Variants in RAPGEF3 observed in about 807,000 individuals in gnomAD.
The protein encoded by RAPGEF3 is 9330170P05Rik.
In RAPGEF3, 103 loss-of-function variants were observed where a neutral mutation model predicts 129.8. The ratio of observed to expected loss-of-function variants is 0.79; its 90% CI spans 0.68 to 0.93. RAPGEF3 has a LOEUF of 0.93. RAPGEF3 is among the 40% of genes least tolerant of loss of function. RAPGEF3 has a pLI of 0.00. For synonymous variants in RAPGEF3, 436 were observed against 482.6 expected, an observed-to-expected ratio of 0.90 and a Z score of 1.26; for missense variants, 1,117 against 1,207.4, an observed-to-expected ratio of 0.93 and a Z score of 1.11.
chr12:47,751,222 G>A lies in RAPGEF3; in HGVS notation c.503-6C>T, dbSNP rs762583161. ...GAAGGCCCAGTCGTGTTTCACTGGGGGGCAGAGGCCCAGGCGTGGGGGAGG... is the reference window on the plus strand; with the variant it reads ...GAAGGCCCAGTCGTGTTTCACTGGGAGGCAGAGGCCCAGGCGTGGGGGAGG... On this transcript the variant is annotated splice_polypyrimidine_tract_variant and splice_region_variant and intron_variant, in intron 5 of 27. Coordinates refer to ENST00000449771, the MANE Select transcript of RAPGEF3 (RefSeq NM_001098531.4). The A allele has an allele frequency of 2.1e-5, 33 of 1,549,010 alleles. No individual in the cohort carries two copies. The highest frequency in any genetic ancestry group is 2.9e-5 in the Non-Finnish European group (33 of 1,145,736).
chr12:47,754,216 C>CGTCTTCCA (rs1322210852), intron 2 of RAPGEF3, among the ~76,000 whole-genome samples: 2 of 152,258 alleles, frequency 1.3e-5, no homozygotes, highest in Admixed American at 1.3e-4. Context: ...TATGCCCTAC[C>CGTCTTCCA]GTCTTCCATT....
Position 47,738,193 on chromosome 12 carries a change from C to T in RAPGEF3, c.2581G>A (p.Val861Met), listed in dbSNP as rs986429485. 1 of 1,613,894 alleles carries T rather than the reference C, an allele frequency of 6.2e-7. No individual in the cohort carries two copies. Among genetic ancestry groups the T allele is most frequent in the South Asian group, 1.1e-5 (1 of 91,076 alleles). Residue 861 changes from valine to methionine, a missense_variant and splice_region_variant, in exon 26 of 28, where the codon GTG becomes ATG. This residue lies in a region of RAPGEF3 where 643 missense variants were observed against 673.4 expected (regional missense o/e 0.95). Coordinates refer to ENST00000449771, the MANE Select transcript of RAPGEF3 (RefSeq NM_001098531.4). ...MLHHCRSHNP[V>M]PLSPLRSRVS... ...CCACCCCGGGGACCCGCCCTCTCAC[C>T]AGGGTTGTGGCTTCGGCAGTGGTGC...
At chr12:47,738,591 T>A in intron 25 of RAPGEF3, 99 bp downstream of exon 25, 1 of 1,052,152 alleles carries the variant, frequency 9.5e-7, no homozygotes, top group Admixed American at 1.7e-5. Flanking sequence ...ATATTATTCA[T>A]AACAAGTTTA....
intron 27 of RAPGEF3, 74 bp downstream of exon 27, chr12:47,737,948 C>A (rs1162082220): frequency 5.9e-6 from 9 of 1,521,846 alleles, no homozygotes; most frequent in Non-Finnish European, 7.3e-6. Flanking sequence ...ATGGCAAGTG[C>A]CTAGGATGTG....
chr12:47,744,111 A>G, intron 16 of RAPGEF3, 43 bp from the exon 17 acceptor site: 1 of 1,495,258 alleles, frequency 6.7e-7, no homozygotes, highest in Non-Finnish European at 9.2e-7. Context: ...GGAGGACATG[A>G]GAGGAGACCG....
rs894827942 is a variant in RAPGEF3, at chr12:47,758,659, G to A, written c.-103C>T. On this transcript the variant is annotated 5_prime_UTR_variant, in exon 1 of 28. Coordinates refer to ENST00000449771, the MANE Select transcript of RAPGEF3 (RefSeq NM_001098531.4). ...ATAAGGGGATCCGGAGGGTGCCAGT[G>A]GGTAAGTCCAGGTACAGTGAACTGG... The A allele has an allele frequency of 1.3e-5, 21 of 1,580,024 alleles. No individual in the cohort carries two copies. Among genetic ancestry groups the A allele is most frequent in the Non-Finnish European group, 1.5e-5 (18 of 1,162,658 alleles).
chr12:47,744,105 G>A, intron 16 of RAPGEF3, 37 bp from the exon 17 acceptor site: 1 of 1,506,492 alleles, frequency 6.6e-7, no homozygotes. Flanking sequence ...AGGCTGGGAG[G>A]ACATGAGAGG....
rs1428469397 is a variant in RAPGEF3, at chr12:47,743,541, T to C, written c.1814A>G (p.Asn605Ser). The C allele has an allele frequency of 1.9e-6, 3 of 1,613,740 alleles. No individual in the cohort carries two copies. Among genetic ancestry groups the C allele is most frequent in the Admixed American group, 1.7e-5 (1 of 60,012 alleles). The change falls in exon 18 of 28, where the codon AAT becomes AGT. Residue 605 changes from asparagine (N) to serine (S), a missense_variant. Transcript: ENST00000449771. Reference sequence around the variant, plus strand: ...GGGGCACAACTCACCACCTGCAGAATTGACCTTCACCAGCACCTGCCCCTT... The same window carrying C: ...GGGGCACAACTCACCACCTGCAGAACTGACCTTCACCAGCACCTGCCCCTT... ...WTKGQVLVKVNSAGDAIGLQP... is the reference protein window; with the variant it reads ...WTKGQVLVKVSSAGDAIGLQP...
intron 23 of RAPGEF3, chr12:47,739,647 T>C: frequency 2.7e-6 from 1 of 375,424 alleles, no homozygotes; most frequent in Non-Finnish European, 5.0e-6. Context: ...TCCAGAATAG[T>C]CAAAACCCTC....
In RAPGEF3 at chr12:47,747,566, G is replaced by A; in HGVS notation, c.1534C>T (p.Pro512Ser). 1.2e-6 allele frequency: 2 copies of A among 1,613,950 alleles called. No individual in the cohort carries two copies. Among genetic ancestry groups the A allele is most frequent in the Non-Finnish European group, 1.7e-6 (2 of 1,179,880 alleles). The change falls in exon 15 of 28, where the codon CCA becomes TCA. Residue 512 changes from proline to serine, a missense_variant. Transcript: ENST00000449771. Reference sequence around the variant, plus strand: ...CACCTGTGGCATCGCCGCCTCTCTGGCCACTGCTCCCTCAGCAGGTTGCTG... The same window carrying A: ...CACCTGTGGCATCGCCGCCTCTCTGACCACTGCTCCCTCAGCAGGTTGCTG... ...RLSNLLREQW[P>S]ERRRCHRLEN...
At chr12:47,744,169 C>T in intron 16 of RAPGEF3, 101 bp from the exon 17 acceptor site, 1 of 986,118 alleles carries the variant, frequency 1.0e-6, no homozygotes, top group East Asian at 2.6e-5. Flanking sequence ...GCACGGGCGC[C>T]ACACAGCATT....
chr12:47,739,577 G>A (rs1156875318), intron 23 of RAPGEF3: 3 of 477,212 alleles, frequency 6.3e-6, no homozygotes, highest in African/African-American at 2.0e-5. Flanking sequence ...GCCCCACGAG[G>A]TGGATTTTCT....
intron 19 of RAPGEF3, 72 bp from the exon 20 acceptor site, chr12:47,741,112 T>A: frequency 6.6e-7 from 1 of 1,524,024 alleles, no homozygotes; most frequent in Non-Finnish European, 8.9e-7. Context: ...GGGAGAGGGT[T>A]GGGGCAAGGA....
Position 47,747,605 on chromosome 12 carries a change from T to C in RAPGEF3, c.1495A>G (p.Arg499Gly), listed in dbSNP as rs376060459. ...AGCAGGTTGCTGAGTCGGGTGTCCC[T>C]GCCCACCAGGTCTGAGAGTTTCTAA... is the stretch of plus-strand genomic sequence containing the variant. Reference protein sequence around the residue: ...FLQKLSDLVGRDTRLSNLLRE... With the variant: ...FLQKLSDLVGGDTRLSNLLRE... The change falls in exon 15 of 28, where the codon AGG (arginine) becomes GGG (glycine). Residue 499 changes from arginine (R) to glycine (G), a missense_variant. Around this residue, in one of 3 missense-constraint regions of RAPGEF3, gnomAD observed 643 missense variants for 673.4 expected, o/e 0.95. Transcript: ENST00000449771. 2 of 1,614,116 alleles carry C rather than the reference T, an allele frequency of 1.2e-6. No homozygotes were observed. The highest frequency in any genetic ancestry group is 1.1e-5 in the South Asian group (1 of 91,084).
intron 16 of RAPGEF3, 131 bp downstream of exon 16, chr12:47,746,729 A>T: frequency 9.2e-7 from 1 of 1,085,356 alleles, no homozygotes. Flanking sequence ...GTGAACACCT[A>T]TCAGAGACCC....
In RAPGEF3 at chr12:47,748,826, T is replaced by C. The variant is rs753292366; in HGVS notation, c.1147A>G (p.Arg383Gly). 6.2e-7 allele frequency: 1 copy of C among 1,609,328 alleles called. No individual in the cohort carries two copies. Among genetic ancestry groups the C allele is most frequent in the African/African-American group, 1.3e-5 (1 of 74,812 alleles). Residue 383 changes from arginine to glycine, a missense_variant, in exon 11 of 28, where the codon AGG (arginine) becomes GGG (glycine). By Grantham distance (125) the Arg-to-Gly change is moderately radical. This residue lies in a region of RAPGEF3 where 107 missense variants were observed against 160.7 expected (regional missense o/e 0.67). Transcript: ENST00000449771. Reference sequence around the variant, plus strand: ...GCATGGCAGGTGTATTACCGGTTCCTGCCTGGGGTTGGGGGTCGGGAAGGG... The same window carrying C: ...GCATGGCAGGTGTATTACCGGTTCCCGCCTGGGGTTGGGGGTCGGGAAGGG... Reference protein sequence around the residue: ...AGPSRPPTPGRNRYTVMSGTP... With the variant: ...AGPSRPPTPGGNRYTVMSGTP...
chr12:47,739,057 G>A (rs899143252), intron 24 of RAPGEF3, 86 bp downstream of exon 24: 1 of 1,212,984 alleles, frequency 8.2e-7, no homozygotes, highest in African/African-American at 1.5e-5. Context: ...ATAGGCATGG[G>A]ATGGGGGATG....
At chr12:47,744,835 G>A (rs180721775) in intron 16 of RAPGEF3, 4 of 152,412 alleles carry the variant, frequency 2.6e-5, no homozygotes, top group Non-Finnish European at 5.9e-5. Context: ...CAAATCTCAG[G>A]GACCCCTGCA....
At position 47,736,536 on chromosome 12, in the gene RAPGEF3, G is replaced by A. The variant is rs1176277044; in HGVS notation, c.*1031C>T. ...AGTGCTGAAGGGGCAGGGAAGAGAG[G>A]ACTTCGTATGACCAGAGCTTGCTGG... On this transcript the variant is annotated 3_prime_UTR_variant, in exon 28 of 28. Coordinates refer to ENST00000449771, the MANE Select transcript of RAPGEF3 (RefSeq NM_001098531.4). 1 of 152,298 alleles carries A rather than the reference G, an allele frequency of 6.6e-6. No individual in the cohort carries two copies. The allele number at this position is 152,298 out of a possible 1,614,324, so 9.4% of individuals were successfully genotyped here. A position where few individuals can be genotyped will look rare whatever the true frequency, so the allele number is the denominator to read the frequency against.
Sources: gnomAD v4.1 joint callset for allele counts (sites outside exome capture counted in the v4.1 genomes callset) on GRCh38, gnomAD v4.1.1 for gene constraint, gnomAD v4.1.1 regional missense constraint, MANE v1.5 for transcripts, NCBI Gene and HGNC (gene_info 2026-07-23, HGNC 2026-07-21) for gene names.